HMCN1: variants seen among roughly 807,000 people sequenced by gnomAD.
HMCN1 encodes hemicentin-1.
In HMCN1, 321 loss-of-function variants were observed where a neutral mutation model predicts 625.9. The ratio of observed to expected loss-of-function variants is 0.51; its 90% CI spans 0.47 to 0.56. The LOEUF (loss-of-function observed/expected upper bound fraction) is 0.56, where lower values mean the gene tolerates loss of function less well. Ranked by LOEUF, HMCN1 falls within the 20% of genes least tolerant of loss-of-function variation. HMCN1 has a pLI of 0.00. For synonymous variants in HMCN1, 2,425 were observed against 2,417.6 expected (o/e 1.00, Z -0.09); for missense variants, 6,588 against 6,887.3 (o/e 0.96, Z 1.54).
Position 186,125,757 on chromosome 1 carries a change from C to G in HMCN1, c.12653C>G (p.Ala4218Gly). Residue 4218 changes from alanine to glycine, a missense_variant, in exon 82 of 107, where the codon GCT (alanine) becomes GGT (glycine). Around this residue, in one of 3 missense-constraint regions of HMCN1, gnomAD observed 1,954 missense variants for 2,013.1 expected, o/e 0.97. Coordinates refer to ENST00000271588, the MANE Select transcript of HMCN1 (RefSeq NM_031935.3). ...GCTAACTTGTTAGGAAAATACACTG[C>G]TGAACCATATGGAGAACTCATTTTA... ...LLANLLGKYT[A>G]EPYGELILEN... is the part of the protein sequence containing the mutation. 6.2e-7 allele frequency: 1 copy of G among 1,613,242 alleles called. No individual in the cohort carries two copies. Among genetic ancestry groups the G allele is most frequent in the Non-Finnish European group, 8.5e-7 (1 of 1,179,388 alleles).
chr1:185,940,529 A>C (rs1668027767), intron 11 of HMCN1, among the ~76,000 whole-genome samples: 1 of 152,178 alleles, frequency 6.6e-6, no homozygotes, highest in Non-Finnish European at 1.5e-5. Flanking sequence ...ATGTAGAAAA[A>C]AATAGACCTT....
intron 1 of HMCN1, among the ~76,000 whole-genome samples, chr1:185,835,243 T>C (rs1402718695): frequency 6.6e-6 from 1 of 152,236 alleles, no homozygotes; most frequent in Non-Finnish European, 1.5e-5. Flanking sequence ...CCAGAGGTAT[T>C]GAAACCCTGT....
At chr1:186,173,721 A>G (rs1652383250) in intron 102 of HMCN1, among the ~76,000 whole-genome samples, 1 of 152,086 alleles carries the variant, frequency 6.6e-6, no homozygotes, top group Non-Finnish European at 1.5e-5. Flanking sequence ...GCAACTGTAA[A>G]TATTTTTCAG....
chr1:185,902,020 A>G (rs973618502), intron 4 of HMCN1, among the ~76,000 whole-genome samples: 1 of 151,734 alleles, frequency 6.6e-6, no homozygotes, highest in African/African-American at 2.4e-5. Flanking sequence ...ACATATGAAC[A>G]TCTACTTTTC....
chr1:185,763,110 G>A (rs1365308212), intron 1 of HMCN1, among the ~76,000 whole-genome samples: 1 of 152,172 alleles, frequency 6.6e-6, no homozygotes, highest in Non-Finnish European at 1.5e-5. Context: ...AACCCAGGAC[G>A]CTGGTAAATT....
At chr1:186,040,662 C>G (rs1656142425) in intron 39 of HMCN1, among the ~76,000 whole-genome samples, 1 of 151,982 alleles carries the variant, frequency 6.6e-6, no homozygotes, top group African/African-American at 2.4e-5. Context: ...CCTTTTTACC[C>G]AAAGAAAAAT....
At chr1:186,097,344 A>C (rs1660181192) in intron 68 of HMCN1, among the ~76,000 whole-genome samples, 1 of 152,144 alleles carries the variant, frequency 6.6e-6, no homozygotes. Flanking sequence ...TATCAAAAAT[A>C]TAATATTCAT....
At chr1:186,000,898 A>C (rs913733737) in intron 26 of HMCN1, among the ~76,000 whole-genome samples, 2 of 152,004 alleles carry the variant, frequency 1.3e-5, no homozygotes, top group African/African-American at 2.4e-5. Context: ...CAAAAGTGAA[A>C]GTGTATATAT....
intron 2 of HMCN1, among the ~76,000 whole-genome samples, chr1:185,853,819 A>G (rs927194656): frequency 6.6e-6 from 1 of 152,186 alleles, no homozygotes; most frequent in African/African-American, 2.4e-5. Flanking sequence ...TGGGGTGGAT[A>G]TTATAATGGG....
intron 1 of HMCN1, among the ~76,000 whole-genome samples, chr1:185,757,549 C>G (rs1655211917): frequency 6.6e-6 from 1 of 152,132 alleles, no homozygotes; most frequent in Non-Finnish European, 1.5e-5. Context: ...CCTGCTGCCC[C>G]TAATTGTTCT....
intron 1 of HMCN1, among the ~76,000 whole-genome samples, chr1:185,820,677 T>C (rs558162126): frequency 6.6e-6 from 1 of 152,228 alleles, no homozygotes; most frequent in African/African-American, 2.4e-5. Flanking sequence ...AGCTTTGAGA[T>C]TTAGAGGATT....
chr1:185,913,895 C>A (rs377515097), intron 6 of HMCN1, among the ~76,000 whole-genome samples: 3 of 152,228 alleles, frequency 2.0e-5, no homozygotes, highest in African/African-American at 7.2e-5. Context: ...AGGATTAGTT[C>A]TATGAGTGAG....
At chr1:186,030,358 A>G (rs1655340959) in intron 36 of HMCN1, among the ~76,000 whole-genome samples, 1 of 151,922 alleles carries the variant, frequency 6.6e-6, no homozygotes, top group Non-Finnish European at 1.5e-5. Flanking sequence ...TTCCGTGTAT[A>G]TTGGGGATCT....
In HMCN1 at chr1:186,067,779, C is replaced by G. The variant is rs897933991; in HGVS notation, c.7706-55C>G. The G allele has an allele frequency of 3.2e-6, 4 of 1,243,244 alleles. No individual in the cohort carries two copies. The African/African-American group carries it at 4.4e-5, about 14-fold the overall frequency. 77.0% of individuals were successfully genotyped at this position (1,243,244 alleles called of 1,614,324 possible). On this transcript the variant is annotated intron_variant, in intron 49 of 106. Coordinates refer to ENST00000271588, the MANE Select transcript of HMCN1 (RefSeq NM_031935.3). ...TACATATAATGGAAATTTAGAAATG[C>G]ACAAATATACAAATTTCTACATATA...
At chr1:186,022,741 T>C (rs1003899186) in intron 35 of HMCN1, among the ~76,000 whole-genome samples, 9 of 152,120 alleles carry the variant, frequency 5.9e-5, no homozygotes, top group African/African-American at 2.2e-4. Context: ...ACTTACTTCA[T>C]AGTTCAGTGC....
At chr1:186,072,992 C>T (rs1658568518) in intron 52 of HMCN1, among the ~76,000 whole-genome samples, 1 of 152,144 alleles carries the variant, frequency 6.6e-6, no homozygotes, top group East Asian at 1.9e-4. Flanking sequence ...ATGGTTATGG[C>T]AATTGCATCT....
In HMCN1 at chr1:186,166,383, A is replaced by G. The variant is rs574913229; in HGVS notation, c.15439+80A>G. Reference sequence around the variant, plus strand: ...CTAGAAAAAGTATGATAGACCCATTATCTTCTTTCCTACTACTTCTGCCCA... The same window carrying G: ...CTAGAAAAAGTATGATAGACCCATTGTCTTCTTTCCTACTACTTCTGCCCA... On this transcript the variant is annotated intron_variant, in intron 99 of 106. Transcript: ENST00000271588. 130 of 1,547,448 alleles carry G rather than the reference A, an allele frequency of 8.4e-5. 1 individual carries two copies. The South Asian group carries it at 1.4e-3, about 17-fold the overall frequency.
intron 52 of HMCN1, among the ~76,000 whole-genome samples, chr1:186,071,510 C>T (rs1315073601): frequency 1.1e-4 from 17 of 152,160 alleles, no homozygotes; most frequent in Admixed American, 2.0e-4. Flanking sequence ...GCTGTTAACA[C>T]CGTACTTAAT....
rs1349699013 is a variant in HMCN1 at position 186,067,838 on chromosome 1, T to G, written c.7710T>G (p.Ser2570=). The G allele has an allele frequency of 6.2e-7, 1 of 1,604,272 alleles. No homozygotes were observed. The highest frequency in any genetic ancestry group is 1.7e-5 in the Admixed American group (1 of 59,964). The change falls in exon 50 of 107, where the codon TCT becomes TCG. Residue 2570 remains serine (S), a synonymous_variant. Transcript: ENST00000271588. ...SRSFSLNVFV[S]PTIAGVGSDG... ...ACAAATTTTCATCTTTTTCAGTATC[T>G]CCTACAATTGCTGGTGTAGGTAGTG...
Sources: allele counts gnomAD v4.1 joint callset (sites outside exome capture counted in the v4.1 genomes callset), GRCh38; gene constraint gnomAD v4.1.1; regional missense constraint gnomAD v4.1.1; transcripts MANE v1.5; gene names NCBI Gene and HGNC (gene_info 2026-07-23, HGNC 2026-07-21).